Variants in KCNJ3 observed in about 807,000 individuals in gnomAD.
The protein encoded by KCNJ3 is G protein-activated inward rectifier potassium channel 1.
In KCNJ3, 4 loss-of-function variants were observed where a neutral mutation model predicts 39.2. That is an observed-to-expected ratio of 0.10 (90% CI 0.05 to 0.23). The LOEUF (loss-of-function observed/expected upper bound fraction) is 0.23. KCNJ3 is among the 10% of genes least tolerant of loss of function. The pLI is 1.00. For synonymous variants in KCNJ3, 230 were observed against 237.4 expected (o/e 0.97, Z 0.29); for missense variants, 276 against 634.9 (o/e 0.43, Z 6.08).
At chr2:154,734,693 A>T (rs1456077976) in intron 2 of KCNJ3, among the ~76,000 whole-genome samples, 1 of 152,180 alleles carries the variant, frequency 6.6e-6, no homozygotes, top group African/African-American at 2.4e-5. Flanking sequence ...AGAAGGAAAG[A>T]GGGTGAGGGA....
intron 2 of KCNJ3, among the ~76,000 whole-genome samples, chr2:154,815,415 C>T (rs1286486028): frequency 6.6e-6 from 1 of 152,116 alleles, no homozygotes; most frequent in African/African-American, 2.4e-5. Context: ...TTTTTTATCT[C>T]CTCTTTTTTC....
At position 154,709,593 on chromosome 2, in the gene KCNJ3, G is replaced by C; in HGVS notation, c.703-10G>C. 6.2e-7 allele frequency: 1 copy of C among 1,610,778 alleles called. No individual in the cohort carries two copies. Among genetic ancestry groups the C allele is most frequent in the Non-Finnish European group, 8.5e-7 (1 of 1,178,258 alleles). ...GGTGATTTCTTCTCTTTTTCTGTGT[G>C]CTTGTCTAGTCTCGGCAGACACCTG... On this transcript the variant is annotated splice_polypyrimidine_tract_variant and intron_variant, in intron 1 of 2. Coordinates refer to ENST00000295101, the MANE Select transcript of KCNJ3 (RefSeq NM_002239.4).
intron 2 of KCNJ3, among the ~76,000 whole-genome samples, chr2:154,830,158 C>G (rs945465502): frequency 2.0e-5 from 3 of 152,140 alleles, no homozygotes; most frequent in Admixed American, 6.6e-5. Flanking sequence ...CCTCAGTTTC[C>G]CTCTTTGATA....
rs1388563455 is a variant in KCNJ3, at chr2:154,738,149, T to C, written c.919+28330T>C. 2.0e-5 allele frequency among the ~76,000 whole-genome samples: 3 copies of C among 152,120 alleles called. No individual in the cohort carries two copies. In the East Asian group the frequency reaches 5.8e-4, roughly 29 times the overall value. ...ACATGGATGGAAACGGAGATCATTG[T>C]GTTAAGTGAAACGAGCCAGGCACAG... On this transcript the variant is annotated intron_variant, in intron 2 of 2. Transcript: ENST00000295101.
At chr2:154,839,801 ATTTG>A (rs554958834) in intron 2 of KCNJ3, among the ~76,000 whole-genome samples, 12 of 151,850 alleles carry the variant, frequency 7.9e-5, no homozygotes, top group African/African-American at 1.5e-4. Context: ...TTTCTTGTAA[ATTTG>A]TTTGAGTTCT....
chr2:154,854,988 A>C lies in KCNJ3; in HGVS notation c.1181A>C (p.Asp394Ala). ...GTGGAATGCTTAGATGGACTAGATG[A>C]TATTACTACAAAACTACCATCTAAG... ...NSVECLDGLD[D>A]ITTKLPSKLQ... The change falls in exon 3 of 3, where the codon GAT becomes GCT. Residue 394 changes from aspartate to alanine, a missense_variant. Around this residue, in one of 4 missense-constraint regions of KCNJ3, gnomAD observed 126 missense variants for 179.8 expected, o/e 0.70. Coordinates refer to ENST00000295101, the MANE Select transcript of KCNJ3 (RefSeq NM_002239.4). 1 of 1,613,978 alleles carries C rather than the reference A, an allele frequency of 6.2e-7. No individual in the cohort carries two copies. Among genetic ancestry groups the C allele is most frequent in the Non-Finnish European group, 8.5e-7 (1 of 1,179,890 alleles).
intron 2 of KCNJ3, among the ~76,000 whole-genome samples, chr2:154,723,877 A>T (rs1268903658): frequency 6.6e-6 from 1 of 152,168 alleles, no homozygotes. Context: ...CTTCAGAGTG[A>T]TATGAAGATA....
At chr2:154,784,965 C>T (rs1457051765) in intron 2 of KCNJ3, among the ~76,000 whole-genome samples, 2 of 152,046 alleles carry the variant, frequency 1.3e-5, no homozygotes, top group East Asian at 3.9e-4. Flanking sequence ...ATACTATGTG[C>T]TCAATAAAAG....
intron 2 of KCNJ3, among the ~76,000 whole-genome samples, chr2:154,814,099 A>T (rs1359343712): frequency 6.6e-6 from 1 of 152,102 alleles, no homozygotes; most frequent in Admixed American, 6.5e-5. Flanking sequence ...TTACTTCCTC[A>T]ACAGTTCTGT....
chr2:154,705,097 G>T (rs562304531), intron 1 of KCNJ3, among the ~76,000 whole-genome samples: 12 of 152,148 alleles, frequency 7.9e-5, no homozygotes, highest in Admixed American at 1.3e-4. Flanking sequence ...CTATAGTGTA[G>T]GACAGTAGTG....
chr2:154,809,332 G>C (rs534690611), intron 2 of KCNJ3, among the ~76,000 whole-genome samples: 1 of 152,256 alleles, frequency 6.6e-6, no homozygotes, highest in African/African-American at 2.4e-5. Context: ...TTAATGCTGA[G>C]AGATTAGAAT....
At chr2:154,804,933 A>G (rs558776124) in intron 2 of KCNJ3, among the ~76,000 whole-genome samples, 67 of 152,266 alleles carry the variant, frequency 4.4e-4, no homozygotes, top group African/African-American at 1.6e-3. Context: ...ATGTGTTTCA[A>G]TATAAAATTA....
chr2:154,779,575 G>C (rs188832120), intron 2 of KCNJ3, among the ~76,000 whole-genome samples: 1 of 144,234 alleles, frequency 6.9e-6, no homozygotes, highest in African/African-American at 2.5e-5. Context: ...ACAGAGTCTT[G>C]CTCTATATCC....
chr2:154,735,567 A>T (rs1345465925), intron 2 of KCNJ3, among the ~76,000 whole-genome samples: 1 of 152,074 alleles, frequency 6.6e-6, no homozygotes, highest in Non-Finnish European at 1.5e-5. Flanking sequence ...AAAATTCTCT[A>T]TTATTTTGTT....
At chr2:154,721,583 G>C (rs556211709) in intron 2 of KCNJ3, among the ~76,000 whole-genome samples, 4 of 151,858 alleles carry the variant, frequency 2.6e-5, no homozygotes, top group African/African-American at 7.2e-5. Context: ...GTTCAGCTTT[G>C]GAAAGGATAT....
At position 154,854,722 on chromosome 2, in the gene KCNJ3, T is replaced by C. The variant is rs747915606; in HGVS notation, c.920-5T>C. The C allele has an allele frequency of 1.3e-6, 2 of 1,595,416 alleles. No homozygotes were observed. The highest frequency in any genetic ancestry group is 3.4e-5 in the Admixed American group (2 of 58,488). On this transcript the variant is annotated splice_region_variant and splice_polypyrimidine_tract_variant and intron_variant, in intron 2 of 2. Coordinates refer to ENST00000295101, the MANE Select transcript of KCNJ3 (RefSeq NM_002239.4). The stretch of plus-strand genomic sequence containing the variant: ...ATTTATCAAGAATTTTCTCTTTTCT[T>C]GTAGGGATGACTTGTCAAGCTCGAA...
intron 2 of KCNJ3, among the ~76,000 whole-genome samples, chr2:154,803,484 T>C (rs1686857221): frequency 6.6e-6 from 1 of 151,686 alleles, no homozygotes; most frequent in Admixed American, 6.6e-5. Context: ...TATTAATTTA[T>C]AAAATATTTA....
chr2:154,754,170 C>G (rs1303063962), intron 2 of KCNJ3, among the ~76,000 whole-genome samples: 1 of 152,194 alleles, frequency 6.6e-6, no homozygotes, highest in Non-Finnish European at 1.5e-5. Flanking sequence ...ATTTCTCAAT[C>G]TATTGAATGG....
chr2:154,851,228 C>T (rs1253451872), intron 2 of KCNJ3, among the ~76,000 whole-genome samples: 2 of 151,712 alleles, frequency 1.3e-5, no homozygotes, highest in Admixed American at 6.6e-5. Context: ...AGTGGCAGAA[C>T]AAGAGCCCAT....
Sources: gnomAD v4.1 joint callset for allele counts (sites outside exome capture counted in the v4.1 genomes callset) on GRCh38, gnomAD v4.1.1 for gene constraint, gnomAD v4.1.1 regional missense constraint, MANE v1.5 for transcripts, NCBI Gene and HGNC (gene_info 2026-07-23, HGNC 2026-07-21) for gene names.